BCAN: variants seen among roughly 807,000 people sequenced by gnomAD.
BCAN encodes the protein brevican core protein.
A neutral mutation model predicts 92.4 loss-of-function variants in BCAN; 51 were observed. The ratio of observed to expected loss-of-function variants is 0.55; its 90% confidence interval spans 0.44 to 0.70. BCAN has a LOEUF of 0.70. BCAN is among the 30% of genes least tolerant of loss of function. BCAN has a pLI of 0.00. For synonymous variants in BCAN, 501 were observed against 505.2 expected, an observed-to-expected ratio of 0.99 and a Z score of 0.11; for missense variants, 1,140 against 1,212.1, an observed-to-expected ratio of 0.94 and a Z score of 0.88.
chr1:156,656,740 G>T (rs1679342919), intron 9 of BCAN, 198 bp from the exon 10 acceptor site: 3 of 687,948 alleles, frequency 4.4e-6, no homozygotes, highest in Non-Finnish European at 7.0e-6. Context: ...TCTTAGAAAA[G>T]GCACCAGCGC....
At chr1:156,648,214 AG>A (rs1383320611) in intron 5 of BCAN, 104 bp downstream of exon 5, 4 of 1,460,450 alleles carry the variant, frequency 2.7e-6, no homozygotes, top group Non-Finnish European at 2.8e-6. Context: ...CCTGAGTTTA[AG>A]GGGGCAAGCA....
At position 156,646,967 on chromosome 1, in the gene BCAN, G is replaced by T. The variant is rs780737651; in HGVS notation, c.258G>T (p.Arg86=). 6.2e-7 allele frequency: 1 copy of T among 1,612,944 alleles called. No individual in the cohort carries two copies. Among genetic ancestry groups the T allele is most frequent in the Non-Finnish European group, 8.5e-7 (1 of 1,179,606 alleles). The change falls in exon 3 of 14, where the codon CGG becomes CGT. Residue 86 remains arginine (R), a synonymous_variant. Coordinates refer to ENST00000329117, the MANE Select transcript of BCAN (RefSeq NM_021948.5). Reference sequence around the variant, plus strand: ...AGTGGACTTTCCTGTCCCGGGGCCGGGAGGCAGAGGTGCTGGTGGCGCGGG... The same window carrying T: ...AGTGGACTTTCCTGTCCCGGGGCCGTGAGGCAGAGGTGCTGGTGGCGCGGG... ...RVKWTFLSRG[R]EAEVLVARGV...
In BCAN at chr1:156,656,370, G is replaced by A; in HGVS notation, c.2031G>A (p.Gly677=). Residue 677 remains glycine, a synonymous_variant, in exon 9 of 14, where the codon GGG becomes GGA. Transcript: ENST00000329117. ...GVRCLCLPGY[G]GDLCDVGLRF... ...GCTGCCTATGTCTGCCTGGCTATGG[G>A]GGGGACCTGTGCGATGTTGGTGAGT... 1 of 1,385,962 alleles carries A rather than the reference G, an allele frequency of 7.2e-7. No individual in the cohort carries two copies. The highest frequency in any genetic ancestry group is 2.1e-5 in the South Asian group (1 of 46,608). The allele number at this position is 1,385,962 out of a possible 1,614,324, so 85.9% of individuals were successfully genotyped here. A position where few individuals can be genotyped will look rare whatever the true frequency, so the allele number is the denominator to read the frequency against.
chr1:156,657,574 C>T (rs1031820295), intron 10 of BCAN, 101 bp from the exon 11 acceptor site: 9 of 905,104 alleles, frequency 9.9e-6, no homozygotes, highest in Non-Finnish European at 1.5e-5. Flanking sequence ...TGCTGGATCG[C>T]GGGGAAGGGT....
chr1:156,657,033 T>C lies in BCAN; in HGVS notation c.2146T>C (p.Cys716Arg), dbSNP rs986291972. 1.9e-6 allele frequency: 3 copies of C among 1,614,144 alleles called. No individual in the cohort carries two copies. The highest frequency in any genetic ancestry group is 2.5e-6 in the Non-Finnish European group (3 of 1,179,996). Residue 716 changes from cysteine to arginine, a missense_variant, in exon 10 of 14, where the codon TGC becomes CGC. Coordinates refer to ENST00000329117, the MANE Select transcript of BCAN (RefSeq NM_021948.5). ...RRSWEEAETQ[C>R]RMYGAHLASI... ...GAGCTGGGAGGAGGCAGAGACCCAG[T>C]GCCGGATGTACGGCGCGCATCTGGC...
chr1:156,643,341 CTATT>C (rs1678850879), intron 1 of BCAN: 1 of 152,192 alleles, frequency 6.6e-6, no homozygotes, highest in South Asian at 2.1e-4. Context: ...ATAAAAAGGA[CTATT>C]TATATGATGA....
rs1679354662 is a variant in BCAN, at chr1:156,656,991, C to T, written c.2104C>T (p.His702Tyr). ...WDAFQGACYKHFSTRRSWEEA... is the reference protein window; with the variant it reads ...WDAFQGACYKYFSTRRSWEEA... ...CGCCTTCCAGGGCGCCTGCTACAAG[C>T]ACTTTTCCACACGAAGGAGCTGGGA... is the stretch of plus-strand genomic sequence containing the variant. Residue 702 changes from histidine (H) to tyrosine (Y), a missense_variant, in exon 10 of 14, where the codon CAC (histidine) becomes TAC (tyrosine). Transcript: ENST00000329117. 1 of 1,614,084 alleles carries T rather than the reference C, an allele frequency of 6.2e-7. No homozygotes were observed. The highest frequency in any genetic ancestry group is 1.7e-5 in the Admixed American group (1 of 60,008).
chr1:156,644,063 G>A (rs1038156279), intron 1 of BCAN: 1 of 152,180 alleles, frequency 6.6e-6, no homozygotes, highest in African/African-American at 2.4e-5. Context: ...CCCGAGACTG[G>A]AGAGACAGAG....
At chr1:156,653,029 C>T in intron 8 of BCAN, 137 bp downstream of exon 8, 1 of 1,515,848 alleles carries the variant, frequency 6.6e-7, no homozygotes, top group Non-Finnish European at 8.8e-7. Flanking sequence ...ATTCTCTTAC[C>T]CACCTCTACC....
chr1:156,654,964 TCTC>T (rs1272471847), intron 8 of BCAN, among the ~76,000 whole-genome samples: 2 of 152,150 alleles, frequency 1.3e-5, no homozygotes, highest in East Asian at 3.9e-4. Flanking sequence ...CACTCCAGCT[TCTC>T]CTCTCTCCAC....
chr1:156,657,437 ACT>A (rs147382228), intron 10 of BCAN: 299 of 547,100 alleles, frequency 5.5e-4, no homozygotes, highest in African/African-American at 5.1e-3. Context: ...GAAAGTTTTG[ACT>A]CTTTTTCCAA....
At chr1:156,650,811 C>T (rs933545546) in intron 6 of BCAN, among the ~76,000 whole-genome samples, 6 of 152,176 alleles carry the variant, frequency 3.9e-5, no homozygotes, top group Admixed American at 1.3e-4. Flanking sequence ...GTTACGGTGG[C>T]ACATGCCTGT....
chr1:156,651,900 T>C (rs1017592980), intron 7 of BCAN, among the ~76,000 whole-genome samples: 1 of 151,364 alleles, frequency 6.6e-6, no homozygotes, highest in Admixed American at 6.6e-5. Flanking sequence ...CTAGAGATGC[T>C]TGCACTAAGG....
In BCAN at chr1:156,642,779, A is replaced by T. The variant is rs577481419; in HGVS notation, c.-9+504A>T. 6.6e-6 allele frequency: 1 copy of T among 152,342 alleles called. No homozygotes were observed. The highest frequency in any genetic ancestry group is 6.5e-5 in the Admixed American group (1 of 15,302). The allele number at this position is 152,342 out of a possible 1,614,324, so 9.4% of individuals were successfully genotyped here. On this transcript the variant is annotated intron_variant, in intron 1 of 13. Coordinates refer to ENST00000329117, the MANE Select transcript of BCAN (RefSeq NM_021948.5). This position sits in a 1 kb window ranked among gnomAD's most constrained non-coding sequence, Gnocchi z 4.2. The stretch of plus-strand genomic sequence containing the variant: ...GAGTGCCCATTTCGGCTGGAATCCC[A>T]ACTCGGCTCCTTGCTCTGTGACCTT...
chr1:156,656,434 C>A, intron 9 of BCAN, 45 bp downstream of exon 9: 1 of 1,286,710 alleles, frequency 7.8e-7, no homozygotes, highest in Non-Finnish European at 1.0e-6. Context: ...CTGGACCCTG[C>A]CACAACGTGC....
Position 156,658,305 on chromosome 1 carries a change from A to G in BCAN, c.2437+34A>G. Reference sequence around the variant, plus strand: ...AGGCAAAGGAGGGTCCCAGCAAGGAAGTGGAGGGGTGGGCTAGGGGACCAG... The same window carrying G: ...AGGCAAAGGAGGGTCCCAGCAAGGAGGTGGAGGGGTGGGCTAGGGGACCAG... On this transcript the variant is annotated intron_variant, in intron 12 of 13. Transcript: ENST00000329117. This position sits in a 1 kb window ranked among gnomAD's most constrained non-coding sequence, Gnocchi z 4.4. 6.2e-7 allele frequency: 1 copy of G among 1,608,722 alleles called. No individual in the cohort carries two copies. The highest frequency in any genetic ancestry group is 8.5e-7 in the Non-Finnish European group (1 of 1,176,842).
intron 7 of BCAN, 129 bp from the exon 8 acceptor site, chr1:156,652,119 C>A: frequency 1.6e-6 from 2 of 1,274,106 alleles, no homozygotes; most frequent in Non-Finnish European, 2.2e-6. Context: ...ACCACCTGTC[C>A]TCAGGGCGGT....
At position 156,646,868 on chromosome 1, in the gene BCAN, C is replaced by T. The variant is rs375219683; in HGVS notation, c.159C>T (p.Leu53=). 6.2e-7 allele frequency: 1 copy of T among 1,609,558 alleles called. No homozygotes were observed. The highest frequency in any genetic ancestry group is 8.5e-7 in the Non-Finnish European group (1 of 1,178,068). ...TGCAGGGCGTGCTCGGCGGCGCCCT[C>T]ACCATCCCTTGCCACGTCCACTACC... ...APLQGVLGGA[L]TIPCHVHYLR... is the part of the protein sequence containing the mutation. Residue 53 remains leucine, a synonymous_variant, in exon 3 of 14, where the codon CTC becomes CTT. Transcript: ENST00000329117.
Position 156,656,377 on chromosome 1 carries a change from C to T in BCAN, c.2038C>T (p.Leu680=). ...CLCLPGYGGD[L]CDVGLRFCNP... ...ATGTCTGCCTGGCTATGGGGGGGAC[C>T]TGTGCGATGTTGGTGAGTGTTGAGG... Residue 680 remains leucine (L), a synonymous_variant, in exon 9 of 14, where the codon CTG becomes TTG. Transcript: ENST00000329117. The T allele has an allele frequency of 7.3e-7, 1 of 1,373,280 alleles. No homozygotes were observed. Among genetic ancestry groups the T allele is most frequent in the Non-Finnish European group, 9.4e-7 (1 of 1,059,450 alleles). 85.1% of individuals were successfully genotyped at this position (1,373,280 alleles called of 1,614,324 possible).
Sources: gnomAD v4.1 joint callset for allele counts (sites outside exome capture counted in the v4.1 genomes callset) on GRCh38, gnomAD v4.1.1 for gene constraint, Gnocchi (gnomAD v3.1) non-coding constraint, MANE v1.5 for transcripts, NCBI Gene and HGNC (gene_info 2026-07-23, HGNC 2026-07-21) for gene names.